The following MYOG variants were observed in gnomAD, a reference collection of about 807,000 sequenced individuals.
MYOG encodes the protein class C basic helix-loop-helix protein 3.
In MYOG, 6 loss-of-function variants were observed where a neutral mutation model predicts 17.7. That is an observed-to-expected ratio of 0.34 (90% CI 0.19 to 0.67). The LOEUF (loss-of-function observed/expected upper bound fraction) is 0.67. MYOG is among the 30% of genes least tolerant of loss of function. MYOG has a pLI of 0.69. For missense variants in MYOG, 272 were observed against 302.0 expected (o/e 0.90, Z 0.74); for synonymous variants, 125 against 130.2 (o/e 0.96, Z 0.27).
In MYOG at chr1:203,085,577, T is replaced by C. The variant is rs369030857; in HGVS notation, c.385A>G (p.Ile129Val). The change falls in exon 1 of 3, where the codon ATC becomes GTC. Residue 129 changes from isoleucine to valine, a missense_variant. Ile to Val is a conservative substitution (Grantham distance 29). Transcript: ENST00000241651. ...CTGAGCAGGGCCTGGAGGCGCTCGATGTACTGGATGGCACTGCGCAGGATC... is the reference window on the plus strand; with the variant it reads ...CTGAGCAGGGCCTGGAGGCGCTCGACGTACTGGATGGCACTGCGCAGGATC... ...VEILRSAIQY[I>V]ERLQALLSSL... The C allele has an allele frequency of 1.9e-6, 3 of 1,614,162 alleles. No individual in the cohort carries two copies. Among genetic ancestry groups the C allele is most frequent in the South Asian group, 1.1e-5 (1 of 91,088 alleles).
At position 203,084,000 on chromosome 1, in the gene MYOG, G is replaced by A. The variant is rs760774721; in HGVS notation, c.585C>T (p.Ala195=). The change falls in exon 3 of 3, where the codon GCC becomes GCT. Residue 195 remains alanine (A), a synonymous_variant. Transcript: ENST00000241651. ...TGGAGGTGAGGGAGTGCAGGTTGTG[G>A]GCATCTGTAGGGTCAGCCGTGAGCA... ...DHLLTADPTD[A]HNLHSLTSIV... 2 of 1,596,102 alleles carry A rather than the reference G, an allele frequency of 1.3e-6. No individual in the cohort carries two copies. Among genetic ancestry groups the A allele is most frequent in the South Asian group, 2.3e-5 (2 of 87,612 alleles).
intron 2 of MYOG, among the ~76,000 whole-genome samples, chr1:203,084,406 GAGA>G (rs1653570229): frequency 6.6e-6 from 1 of 152,114 alleles, no homozygotes; most frequent in Non-Finnish European, 1.5e-5. Context: ...CCTCTCTGTG[GAGA>G]AGGTCAACCA....
chr1:203,085,689 C>T lies in MYOG; in HGVS notation c.273G>A (p.Lys91=). The T allele has an allele frequency of 1.9e-6, 3 of 1,614,184 alleles. No homozygotes were observed. The highest frequency in any genetic ancestry group is 2.5e-6 in the Non-Finnish European group (3 of 1,180,014). The change falls in exon 1 of 3, where the codon AAG becomes AAA. Residue 91 remains lysine (K), a synonymous_variant. Coordinates refer to ENST00000241651, the MANE Select transcript of MYOG (RefSeq NM_002479.6). ...CCTCATTCACCTTCTTGAGCCTGCG[C>T]TTCTCCCTCAGTGTGGCCGCCCGCC... ...DRRRAATLRE[K]RRLKKVNEAF... is the part of the protein sequence containing the mutation.
rs754693820 is a variant in MYOG at position 203,085,513 on chromosome 1, C to T, written c.449G>A (p.Gly150Asp). 3.2e-5 allele frequency: 52 copies of T among 1,613,198 alleles called. No homozygotes were observed. The highest frequency in any genetic ancestry group is 7.6e-6 in the Non-Finnish European group (9 of 1,179,494). ...NQEERDLRYR[G>D]GGGPQPGVPS... is the part of the protein sequence containing the mutation. Reference sequence around the variant, plus strand: ...TACCCCTGGCTGGGGCCCGCCCCCGCCCCGGTAGCGGAGGTCACGCTCCTC... The same window carrying T: ...TACCCCTGGCTGGGGCCCGCCCCCGTCCCGGTAGCGGAGGTCACGCTCCTC... The change falls in exon 1 of 3, where the codon GGC (glycine) becomes GAC (aspartate). Residue 150 changes from glycine to aspartate, a missense_variant. Gly to Asp is a moderately conservative substitution (Grantham distance 94). Transcript: ENST00000241651.
At chr1:203,085,340 C>G in intron 1 of MYOG, 151 bp downstream of exon 1, 1 of 706,120 alleles carries the variant, frequency 1.4e-6, no homozygotes, top group South Asian at 1.9e-5. Context: ...GCTGGATAGC[C>G]CAGCTCTGAC....
At chr1:203,085,434 C>T in intron 1 of MYOG, 57 bp downstream of exon 1, 1 of 1,480,868 alleles carries the variant, frequency 6.8e-7, no homozygotes, top group Non-Finnish European at 9.1e-7. Context: ...TGAGGCTGTC[C>T]AGGTGCCTCC....
intron 2 of MYOG, 98 bp downstream of exon 2, chr1:203,084,549 G>T: frequency 8.9e-7 from 1 of 1,129,148 alleles, no homozygotes; most frequent in Non-Finnish European, 1.3e-6. Context: ...AGACCCAAGG[G>T]AAGAGGACCG....
At position 203,085,995 on chromosome 1, in the gene MYOG, C is replaced by T; in HGVS notation, c.-34G>A. The T allele has an allele frequency of 6.8e-7, 1 of 1,466,420 alleles. No homozygotes were observed. The highest frequency in any genetic ancestry group is 9.2e-7 in the Non-Finnish European group (1 of 1,087,128). The allele number at this position is 1,466,420 out of a possible 1,614,324, so 90.8% of individuals were successfully genotyped here. A position where few individuals can be genotyped will look rare whatever the true frequency, so the allele number is the denominator to read the frequency against. Reference sequence around the variant, plus strand: ...AAAAGGCTTGTTCCTGCCACCAGCCCCCAAGCTCCAGCAGCCCCTCACGCC... The same window carrying T: ...AAAAGGCTTGTTCCTGCCACCAGCCTCCAAGCTCCAGCAGCCCCTCACGCC... On this transcript the variant is annotated 5_prime_UTR_variant, in exon 1 of 3. Transcript: ENST00000241651.
In MYOG at chr1:203,083,710, C is replaced by T; in HGVS notation, c.*200G>A. 1 of 758,172 alleles carries T rather than the reference C, an allele frequency of 1.3e-6. No homozygotes were observed. Among genetic ancestry groups the T allele is most frequent in the South Asian group, 1.8e-5 (1 of 54,658 alleles). 47.0% of individuals were successfully genotyped at this position (758,172 alleles called of 1,614,324 possible). On this transcript the variant is annotated 3_prime_UTR_variant, in exon 3 of 3. Coordinates refer to ENST00000241651, the MANE Select transcript of MYOG (RefSeq NM_002479.6). ...GATGCCCTCTCCTCTAAGGAGGCAG[C>T]TGAATGAGGGCGTCCAGTCCCTTGC...
At position 203,085,668 on chromosome 1, in the gene MYOG, A is replaced by T; in HGVS notation, c.294T>A (p.Asn98Lys). ...TTCTCTTCAGGGCCTCGAAGGCCTCATTCACCTTCTTGAGCCTGCGCTTCT... is the reference window on the plus strand; with the variant it reads ...TTCTCTTCAGGGCCTCGAAGGCCTCTTTCACCTTCTTGAGCCTGCGCTTCT... ...LREKRRLKKV[N>K]EAFEALKRST... The change falls in exon 1 of 3, where the codon AAT becomes AAA. Residue 98 changes from asparagine to lysine, a missense_variant. By Grantham distance (94) the Asn-to-Lys change is moderately conservative. Coordinates refer to ENST00000241651, the MANE Select transcript of MYOG (RefSeq NM_002479.6). The T allele has an allele frequency of 1.2e-6, 2 of 1,614,140 alleles. No individual in the cohort carries two copies. The highest frequency in any genetic ancestry group is 8.5e-7 in the Non-Finnish European group (1 of 1,180,000).
rs754335833 is a variant in MYOG at position 203,084,018 on chromosome 1, C to T, written c.567G>A (p.Thr189=). ...GGTTGTGGGCATCTGTAGGGTCAGC[C>T]GTGAGCAGATGATCTGTAAGGGGAG... ...FSANPGDHLL[T]ADPTDAHNLH... is the part of the protein sequence containing the mutation. Residue 189 remains threonine (T), a synonymous_variant, in exon 3 of 3, where the codon ACG becomes ACA. Transcript: ENST00000241651. 73 of 1,596,926 alleles carry T rather than the reference C, an allele frequency of 4.6e-5. No homozygotes were observed. The highest frequency in any genetic ancestry group is 5.3e-5 in the Non-Finnish European group (62 of 1,171,638).
At position 203,084,739 on chromosome 1, in the gene MYOG, G is replaced by T; in HGVS notation, c.472-11C>A. 2 of 1,601,674 alleles carry T rather than the reference G, an allele frequency of 1.2e-6. No individual in the cohort carries two copies. On this transcript the variant is annotated splice_polypyrimidine_tract_variant and intron_variant, in intron 1 of 2. Transcript: ENST00000241651. ...GCATTCGCTGGGCACCTGCAAGACA[G>T]GGCGAAGGCCCAAGGTCGGGGCACA... is the stretch of plus-strand genomic sequence containing the variant.
Position 203,085,909 on chromosome 1 carries a change from T to C in MYOG, c.53A>G (p.Asp18Gly), listed in dbSNP as rs1201645160. ...GTGGACAGGCAGGTAGTTTTCCCCATCATAGAAGCGGGGTTCCTGGTAGAA... is the reference window on the plus strand; with the variant it reads ...GTGGACAGGCAGGTAGTTTTCCCCACCATAGAAGCGGGGTTCCTGGTAGAA... ...PYFYQEPRFYDGENYLPVHLQ... is the reference protein window; with the variant it reads ...PYFYQEPRFYGGENYLPVHLQ... Residue 18 changes from aspartate to glycine, a missense_variant, in exon 1 of 3, where the codon GAT becomes GGT. Transcript: ENST00000241651. 3 of 1,609,010 alleles carry C rather than the reference T, an allele frequency of 1.9e-6. No individual in the cohort carries two copies. Among genetic ancestry groups the C allele is most frequent in the East Asian group, 2.2e-5 (1 of 44,814 alleles).
rs1230676527 is a variant in MYOG at position 203,084,723 on chromosome 1, G to T, written c.477C>A (p.Pro159=). The T allele has an allele frequency of 6.2e-7, 1 of 1,608,256 alleles. No homozygotes were observed. Among genetic ancestry groups the T allele is most frequent in the Non-Finnish European group, 8.5e-7 (1 of 1,177,398 alleles). Residue 159 remains proline (P), a synonymous_variant, in exon 2 of 3, where the codon CCC becomes CCA. Coordinates refer to ENST00000241651, the MANE Select transcript of MYOG (RefSeq NM_002479.6). Reference sequence around the variant, plus strand: ...AGGCGCTGTGAGAGCTGCATTCGCTGGGCACCTGCAAGACAGGGCGAAGGC... The same window carrying T: ...AGGCGCTGTGAGAGCTGCATTCGCTTGGCACCTGCAAGACAGGGCGAAGGC... ...RGGGGPQPGV[P]SECSSHSASC...
At position 203,085,857 on chromosome 1, in the gene MYOG, G is replaced by T; in HGVS notation, c.105C>A (p.Tyr35Ter). 6.2e-7 allele frequency: 1 copy of T among 1,613,994 alleles called. No individual in the cohort carries two copies. Among genetic ancestry groups the T allele is most frequent in the Non-Finnish European group, 8.5e-7 (1 of 1,179,952 alleles). Residue 35 changes from tyrosine to a stop codon, truncating the protein, a stop_gained, in exon 1 of 3, where the codon TAC becomes TAA. Transcript: ENST00000241651. LOFTEE classifies it high-confidence loss of function. ...VHLQGFEPPG[Y>*]ERTELTLSPE... Reference sequence around the variant, plus strand: ...GGCTCAGGGTGAGCTCCGTCCGCTCGTAGCCTGGTGGTTCGAAGCCCTGGA... The same window carrying T: ...GGCTCAGGGTGAGCTCCGTCCGCTCTTAGCCTGGTGGTTCGAAGCCCTGGA...
intron 2 of MYOG, 63 bp downstream of exon 2, chr1:203,084,584 A>G (rs1653574897): frequency 7.1e-7 from 1 of 1,399,776 alleles, no homozygotes; most frequent in Non-Finnish European, 1.0e-6. Context: ...GTAAGAGGGG[A>G]GAACCTGGCC....
In MYOG at chr1:203,085,692, C is replaced by T. The variant is rs1460168300; in HGVS notation, c.270G>A (p.Glu90=). ...VDRRRAATLR[E]KRRLKKVNEA... ...CATTCACCTTCTTGAGCCTGCGCTT[C>T]TCCCTCAGTGTGGCCGCCCGCCGCC... The change falls in exon 1 of 3, where the codon GAG becomes GAA. Residue 90 remains glutamate (E), a synonymous_variant. Coordinates refer to ENST00000241651, the MANE Select transcript of MYOG (RefSeq NM_002479.6). 2 of 1,614,068 alleles carry T rather than the reference C, an allele frequency of 1.2e-6. No homozygotes were observed. The highest frequency in any genetic ancestry group is 2.7e-5 in the African/African-American group (2 of 74,930).
intron 2 of MYOG, 130 bp from the exon 3 acceptor site, chr1:203,084,161 A>G (rs1009590277): frequency 1.7e-6 from 2 of 1,160,022 alleles, no homozygotes; most frequent in Non-Finnish European, 2.4e-6. Context: ...CCGGAGTTCT[A>G]CTCCCTAGTC....
rs1185918307 is a variant in MYOG, at chr1:203,083,462, A to T, written c.*448T>A. 1 of 401,984 alleles carries T rather than the reference A, an allele frequency of 2.5e-6. No homozygotes were observed. Among genetic ancestry groups the T allele is most frequent in the Non-Finnish European group, 4.4e-6 (1 of 226,848 alleles). The allele number at this position is 401,984 out of a possible 1,614,324, so 24.9% of individuals were successfully genotyped here. ...GTTCCTCTCCCCTTCTTCTCTCTCA[A>T]TTCAGGGCAGGCCCAGCCCAGCCAC... is the stretch of plus-strand genomic sequence containing the variant. On this transcript the variant is annotated 3_prime_UTR_variant, in exon 3 of 3. Transcript: ENST00000241651.
Sources: allele counts gnomAD v4.1 joint callset (sites outside exome capture counted in the v4.1 genomes callset), GRCh38; gene constraint gnomAD v4.1.1; transcripts MANE v1.5; gene names NCBI Gene and HGNC (gene_info 2026-07-23, HGNC 2026-07-21).